The following SDK1 variants were observed in gnomAD, a reference collection of about 807,000 sequenced individuals.
SDK1 encodes the protein sidekick cell adhesion molecule 1.
SDK1 carries 157 observed loss-of-function variants against 245.5 expected under a neutral mutation model. The observed-to-expected ratio is 0.64, with a 90% confidence interval of 0.56 to 0.73. SDK1 has a LOEUF of 0.73. Among genes scored for constraint, SDK1 ranks in the 30% least tolerant of loss-of-function variants. The probability of loss-of-function intolerance (pLI) is 0.00; values close to 1 mark genes in which losing one functional copy is unlikely to be tolerated. For missense variants in SDK1, 3,583 were observed against 3,002.3 expected (o/e 1.19, Z -4.52); for synonymous variants, 1,647 against 1,278.5 (o/e 1.29, Z -6.15).
At chr7:3,648,241 A>T (rs1408791795) in intron 4 of SDK1, among the ~76,000 whole-genome samples, 1 of 152,170 alleles carries the variant, frequency 6.6e-6, no homozygotes, top group South Asian at 2.1e-4. Context: ...TCTTTCCTCC[A>T]CGACGTTATT....
chr7:3,773,814 A>C lies in SDK1; in HGVS notation c.714-47636A>C, dbSNP rs143028631. Among the ~76,000 whole-genome samples the C allele has an allele frequency of 6.1e-3, 922 of 152,308 alleles. 12 individuals carry two copies. Among genetic ancestry groups the C allele is most frequent in the African/African-American group, 0.021 (853 of 41,576 alleles). On this transcript the variant is annotated intron_variant, in intron 4 of 44. Coordinates refer to ENST00000404826, the MANE Select transcript of SDK1 (RefSeq NM_152744.4). ...AGCCTCTGCCTTTTGCTGGGCATGC[A>C]CAGGCACTTCCTAATTTTCCTCATA...
chr7:4,101,971 C>G (rs1476784941), intron 22 of SDK1, among the ~76,000 whole-genome samples: 10 of 152,170 alleles, frequency 6.6e-5, no homozygotes, highest in African/African-American at 2.2e-4. Context: ...AAGCCCATCA[C>G]TCCACAGCCC....
intron 1 of SDK1, among the ~76,000 whole-genome samples, chr7:3,355,594 T>A (rs1035951518): frequency 6.6e-6 from 1 of 152,272 alleles, no homozygotes; most frequent in African/African-American, 2.4e-5. Flanking sequence ...AATCCCCTGT[T>A]CCCTCCATCT....
chr7:3,430,196 C>A (rs147737363), intron 1 of SDK1, among the ~76,000 whole-genome samples: 1 of 152,116 alleles, frequency 6.6e-6, no homozygotes, highest in Non-Finnish European at 1.5e-5. Flanking sequence ...GCCGTTTCAG[C>A]GAGTCACTTC....
rs542298289 is a variant in SDK1, at chr7:3,677,237, C to G, written c.713+35132C>G. Among the ~76,000 whole-genome samples, 7 of 152,138 alleles carry G rather than the reference C, an allele frequency of 4.6e-5. No homozygotes were observed. In the East Asian group the frequency reaches 9.6e-4, roughly 21 times the overall value. ...GTGTGTGTGCATGTAGGTGTGTACA[C>G]TATTTTTATTTAACATACGATAAGC... On this transcript the variant is annotated intron_variant, in intron 4 of 44. Coordinates refer to ENST00000404826, the MANE Select transcript of SDK1 (RefSeq NM_152744.4).
chr7:3,782,567 G>C lies in SDK1; in HGVS notation c.714-38883G>C, dbSNP rs79643446. ...GACAAAAATTCCGAGAGCAGCAAGAGATAAGAAACACTTCGTATACAAAGG... is the reference window on the plus strand; with the variant it reads ...GACAAAAATTCCGAGAGCAGCAAGACATAAGAAACACTTCGTATACAAAGG... On this transcript the variant is annotated intron_variant, in intron 4 of 44. Coordinates refer to ENST00000404826, the MANE Select transcript of SDK1 (RefSeq NM_152744.4). Among the ~76,000 whole-genome samples the C allele has an allele frequency of 5.8e-3, 880 of 152,262 alleles. 6 individuals are homozygous for C. The highest frequency in any genetic ancestry group is 0.02 in the African/African-American group (823 of 41,552).
In SDK1 at chr7:3,974,370, T is replaced by A. The variant is rs769448174; in HGVS notation, c.1819T>A (p.Tyr607Asn). 1.2e-6 allele frequency: 2 copies of A among 1,611,304 alleles called. No individual in the cohort carries two copies. The highest frequency in any genetic ancestry group is 1.1e-5 in the South Asian group (1 of 90,954). Residue 607 changes from tyrosine to asparagine, a missense_variant and splice_region_variant, in exon 13 of 45, where the codon TAC becomes AAC. Coordinates refer to ENST00000404826, the MANE Select transcript of SDK1 (RefSeq NM_152744.4). Reference sequence around the variant, plus strand: ...CAAGACCCTTTGCTTGGCCCACAGCTACGTTTGGAAGAAGGACAACGTGGC... The same window carrying A: ...CAAGACCCTTTGCTTGGCCCACAGCAACGTTTGGAAGAAGGACAACGTGGC... ...ATHDPRVSLRYVWKKDNVALT... is the reference protein window; with the variant it reads ...ATHDPRVSLRNVWKKDNVALT...
intron 1 of SDK1, among the ~76,000 whole-genome samples, chr7:3,459,913 A>C (rs1780782910): frequency 6.6e-6 from 1 of 152,208 alleles, no homozygotes; most frequent in Non-Finnish European, 1.5e-5. Flanking sequence ...AGGCTTTTCA[A>C]TATGTAATTT....
At chr7:3,672,795 A>AT (rs55676850) in intron 4 of SDK1, among the ~76,000 whole-genome samples, 5,833 of 63,936 alleles carry the variant, frequency 0.091, 497 homozygotes, top group Non-Finnish European at 0.12. Flanking sequence ...ATATATATAT[A>AT]AAAAATACAG....
intron 1 of SDK1, among the ~76,000 whole-genome samples, chr7:3,352,085 C>T (rs1255037986): frequency 1.3e-5 from 2 of 150,032 alleles, no homozygotes; most frequent in African/African-American, 4.9e-5. Flanking sequence ...CCTTGTATGT[C>T]AATAAATTAA....
chr7:3,792,610 C>T (rs980047154), intron 4 of SDK1, among the ~76,000 whole-genome samples: 3 of 39,114 alleles, frequency 7.7e-5, no homozygotes, highest in South Asian at 1.3e-3. Flanking sequence ...TCCCTTTCTC[C>T]CTCCCATCCA....
chr7:3,668,542 G>C (rs897407513), intron 4 of SDK1, among the ~76,000 whole-genome samples: 1 of 152,304 alleles, frequency 6.6e-6, no homozygotes, highest in South Asian at 2.1e-4. Context: ...TTGGGAGGCC[G>C]AGGCAGGCAG....
intron 1 of SDK1, among the ~76,000 whole-genome samples, chr7:3,461,386 A>G (rs540549577): frequency 1.3e-5 from 2 of 152,344 alleles, no homozygotes. Flanking sequence ...GGTATAACAA[A>G]GATATCAAAT....
chr7:4,137,768 T>A (rs1177307718), intron 28 of SDK1, among the ~76,000 whole-genome samples: 1 of 152,244 alleles, frequency 6.6e-6, no homozygotes, highest in African/African-American at 2.4e-5. Flanking sequence ...TGGCCTTGCG[T>A]CGCTGAAGTG....
chr7:3,543,445 G>T (rs898344899), intron 1 of SDK1, among the ~76,000 whole-genome samples: 3 of 152,212 alleles, frequency 2.0e-5, no homozygotes, highest in Admixed American at 6.5e-5. Flanking sequence ...TGGAGCACTG[G>T]TAGAATGGGT....
chr7:3,313,158 C>A (rs1779589063), intron 1 of SDK1, among the ~76,000 whole-genome samples: 2 of 152,158 alleles, frequency 1.3e-5, no homozygotes, highest in Non-Finnish European at 2.9e-5. Flanking sequence ...CCTGTAATCC[C>A]AGCACTTTGG....
intron 33 of SDK1, among the ~76,000 whole-genome samples, chr7:4,175,549 G>A (rs754796265): frequency 5.9e-5 from 9 of 152,226 alleles, no homozygotes; most frequent in Non-Finnish European, 1.2e-4. Flanking sequence ...CCGCCTGTCC[G>A]GGACTGGGGT....
At chr7:3,521,371 C>T (rs1782932697) in intron 1 of SDK1, among the ~76,000 whole-genome samples, 1 of 152,158 alleles carries the variant, frequency 6.6e-6, no homozygotes, top group African/African-American at 2.4e-5. Flanking sequence ...TTCCAGGGAT[C>T]CGGAACATGG....
intron 13 of SDK1, chr7:3,974,762 G>GGT (rs1042095753): frequency 5.9e-6 from 3 of 508,986 alleles, no homozygotes; most frequent in Non-Finnish European, 1.0e-5. Context: ...TGGTGTAGAT[G>GGT]GTGTGATCAT....
Sources: allele counts gnomAD v4.1 joint callset (sites outside exome capture counted in the v4.1 genomes callset), GRCh38; gene constraint gnomAD v4.1.1; transcripts MANE v1.5; gene names NCBI Gene and HGNC (gene_info 2026-07-23, HGNC 2026-07-21).